The following UGGT1 variants were observed in gnomAD, a reference collection of about 807,000 sequenced individuals.
UGGT1 encodes the protein UDP-glucose:glycoprotein glucosyltransferase 1.
In UGGT1, 107 loss-of-function variants were observed where a neutral mutation model predicts 203.9. The ratio of observed to expected loss-of-function variants is 0.52; its 90% CI spans 0.45 to 0.62. The LOEUF is 0.62. UGGT1 is among the 20% of genes least tolerant of loss of function. The pLI is 0.00. For missense variants in UGGT1, 1,673 were observed against 1,867.2 expected (o/e 0.90, Z 1.92); for synonymous variants, 628 against 653.5 (o/e 0.96, Z 0.59).
chr2:128,183,937 T>TGTGTGTGTGTGTGAGTGA, intron 38 of UGGT1, 148 bp downstream of exon 38: 2 of 326,392 alleles, frequency 6.1e-6, no homozygotes, highest in South Asian at 8.6e-5. Context: ...TGTGTGTGTG[T>TGTGTGTGTGTGTGAGTGA]GAGAGAGAGA....
intron 20 of UGGT1, 151 bp downstream of exon 20, chr2:128,155,738 T>C: frequency 1.9e-6 from 1 of 516,000 alleles, no homozygotes; most frequent in East Asian, 3.2e-5. Context: ...AACATATCTA[T>C]TTAAAGTTTA....
intron 1 of UGGT1, among the ~76,000 whole-genome samples, chr2:128,092,882 G>A (rs1452082159): frequency 6.6e-6 from 1 of 151,990 alleles, no homozygotes; most frequent in Non-Finnish European, 1.5e-5. Flanking sequence ...TCATCATGCC[G>A]CAAGTATAAT....
intron 1 of UGGT1, among the ~76,000 whole-genome samples, chr2:128,092,519 C>T (rs1166258263): frequency 6.6e-6 from 1 of 151,258 alleles, no homozygotes; most frequent in Non-Finnish European, 1.5e-5. Flanking sequence ...TAGAACTTTC[C>T]TGCAGCTGTC....
intron 1 of UGGT1, among the ~76,000 whole-genome samples, chr2:128,094,255 A>T (rs1015338928): frequency 6.7e-6 from 1 of 149,096 alleles, no homozygotes; most frequent in South Asian, 2.1e-4. Context: ...AGGCCAGATT[A>T]AAAAAAAAAG....
intron 18 of UGGT1, among the ~76,000 whole-genome samples, chr2:128,151,523 G>A (rs185043510): frequency 6.6e-6 from 1 of 152,224 alleles, no homozygotes; most frequent in East Asian, 1.9e-4. Context: ...TGTATGATTG[G>A]TTCATATGCT....
chr2:128,093,935 G>A (rs1686987743), intron 1 of UGGT1, among the ~76,000 whole-genome samples: 1 of 152,184 alleles, frequency 6.6e-6, no homozygotes, highest in South Asian at 2.1e-4. Context: ...GCCCTGGGTT[G>A]TTGTATGTAA....
At position 128,195,488 on chromosome 2, in the gene UGGT1, A is replaced by G. The variant is rs190088111; in HGVS notation, c.*5746A>G. ...TAAAAATCTTCTTTATGAATATCCA[A>G]TGTTACTGTAATCCTGCTCCATTAA... On this transcript the variant is annotated 3_prime_UTR_variant, in exon 41 of 41. Coordinates refer to ENST00000259253, the MANE Select transcript of UGGT1 (RefSeq NM_020120.4). 5 of 152,306 alleles carry G rather than the reference A, an allele frequency of 3.3e-5. No individual in the cohort carries two copies. Among genetic ancestry groups the G allele is most frequent in the East Asian group, 3.9e-4 (2 of 5,184 alleles). The allele number at this position is 152,306 out of a possible 1,614,324, so 9.4% of individuals were successfully genotyped here.
At chr2:128,141,984 C>T (rs559192795) in intron 16 of UGGT1, among the ~76,000 whole-genome samples, 2 of 151,994 alleles carry the variant, frequency 1.3e-5, no homozygotes, top group African/African-American at 4.8e-5. Flanking sequence ...CTCCATCATC[C>T]AAGCTAGAGT....
At chr2:128,160,224 T>C (rs1233911811) in intron 23 of UGGT1, among the ~76,000 whole-genome samples, 1 of 152,186 alleles carries the variant, frequency 6.6e-6, no homozygotes, top group Non-Finnish European at 1.5e-5. Context: ...AGTAAAGGAA[T>C]GATGAATAGT....
At chr2:128,120,273 A>G (rs1481638786) in intron 8 of UGGT1, 83 bp from the exon 9 acceptor site, 5 of 1,314,476 alleles carry the variant, frequency 3.8e-6, no homozygotes, top group East Asian at 2.3e-5. Context: ...GAGGAAAACC[A>G]TGAAGATAAA....
At chr2:128,117,794 C>G (rs547280320) in intron 8 of UGGT1, among the ~76,000 whole-genome samples, 1 of 152,102 alleles carries the variant, frequency 6.6e-6, no homozygotes, top group East Asian at 1.9e-4. Flanking sequence ...CCTGGTCCGC[C>G]CGCCTTGGCC....
chr2:128,156,271 C>A, intron 20 of UGGT1, 121 bp from the exon 21 acceptor site: 2 of 764,150 alleles, frequency 2.6e-6, no homozygotes, highest in Non-Finnish European at 4.5e-6. Context: ...ACCGACAGGA[C>A]TAAGCAGCAG....
chr2:128,155,333 GC>G (rs575907135), intron 19 of UGGT1, among the ~76,000 whole-genome samples, 155 bp from the exon 20 acceptor site: 172 of 152,286 alleles, frequency 1.1e-3, no homozygotes, highest in Non-Finnish European at 2.1e-3. Context: ...AGGGATAGGG[GC>G]CATGTTGTGA....
intron 3 of UGGT1, among the ~76,000 whole-genome samples, chr2:128,105,504 T>G (rs1687565605): frequency 6.6e-6 from 1 of 151,046 alleles, no homozygotes; most frequent in Non-Finnish European, 1.5e-5. Flanking sequence ...TTATTTTATT[T>G]TATTTTATTT....
chr2:128,183,395 T>C (rs1691808608), intron 37 of UGGT1, among the ~76,000 whole-genome samples: 1 of 152,256 alleles, frequency 6.6e-6, no homozygotes, highest in Non-Finnish European at 1.5e-5. Flanking sequence ...TTACTATGGC[T>C]TTTGTTACTG....
intron 13 of UGGT1, among the ~76,000 whole-genome samples, chr2:128,131,088 C>T (rs1688853763): frequency 6.6e-6 from 1 of 151,712 alleles, no homozygotes; most frequent in Non-Finnish European, 1.5e-5. Context: ...CAAAAATTAG[C>T]TGGGCGTGGT....
In UGGT1 at chr2:128,164,737, G is replaced by A. The variant is rs150967445; in HGVS notation, c.2833G>A (p.Asp945Asn). The A allele has an allele frequency of 3.6e-5, 58 of 1,613,870 alleles. No homozygotes were observed. Among genetic ancestry groups the A allele is most frequent in the Non-Finnish European group, 4.7e-5 (55 of 1,179,944 alleles). Residue 945 changes from aspartate (D) to asparagine (N), a missense_variant, in exon 26 of 41, where the codon GAC (aspartate) becomes AAC (asparagine). Asp to Asn is a conservative substitution (Grantham distance 23). Around this residue, in one of 4 missense-constraint regions of UGGT1, gnomAD observed 1,073 missense variants for 1,078.7 expected, o/e 0.99. Coordinates refer to ENST00000259253, the MANE Select transcript of UGGT1 (RefSeq NM_020120.4). ...TCTAACCCCTTCTTTCAGGGCAAGC[G>A]ACTTGGTAATGAAGGTGGATGCTCT... ...QLRVEEDVAS[D>N]LVMKVDALLS...
In UGGT1 at chr2:128,192,450, A is replaced by G. The variant is rs372533115; in HGVS notation, c.*2708A>G. ...TGTGCTGAATGTTCAAACTCTGGAA[A>G]CTGTTCACAGTATGTTGTTCTTAGC... is the stretch of plus-strand genomic sequence containing the variant. On this transcript the variant is annotated 3_prime_UTR_variant, in exon 41 of 41. Coordinates refer to ENST00000259253, the MANE Select transcript of UGGT1 (RefSeq NM_020120.4). The G allele has an allele frequency of 1.3e-5, 2 of 152,326 alleles. No individual in the cohort carries two copies. The highest frequency in any genetic ancestry group is 1.3e-4 in the Admixed American group (2 of 15,306). The allele number at this position is 152,326 out of a possible 1,614,324, so 9.4% of individuals were successfully genotyped here.
At chr2:128,132,275 C>A (rs1036151796) in intron 13 of UGGT1, among the ~76,000 whole-genome samples, 4 of 149,466 alleles carry the variant, frequency 2.7e-5, no homozygotes, top group African/African-American at 9.9e-5. Flanking sequence ...GGGCTGGGTG[C>A]TGTGGCTCAC....
Sources: gnomAD v4.1 joint callset for allele counts (sites outside exome capture counted in the v4.1 genomes callset) on GRCh38, gnomAD v4.1.1 for gene constraint, gnomAD v4.1.1 regional missense constraint, MANE v1.5 for transcripts, NCBI Gene and HGNC (gene_info 2026-07-23, HGNC 2026-07-21) for gene names.